FRMD4A: variants seen among roughly 807,000 people sequenced by gnomAD.
The protein encoded by FRMD4A is FERM domain-containing protein 4A.
FRMD4A carries 29 observed loss-of-function variants against 129.1 expected under a neutral mutation model. The ratio of observed to expected loss-of-function variants is 0.22; its 90% confidence interval spans 0.17 to 0.31. FRMD4A has a LOEUF of 0.31. FRMD4A is among the 10% of genes least tolerant of loss of function. The pLI is 1.00. For synonymous variants in FRMD4A, 634 were observed against 571.6 expected (o/e 1.11, Z -1.56); for missense variants, 1,272 against 1,375.8 (o/e 0.92, Z 1.19).
intron 2 of FRMD4A, among the ~76,000 whole-genome samples, chr10:14,192,765 G>A (rs564355901): frequency 6.6e-6 from 1 of 152,174 alleles, no homozygotes; most frequent in African/African-American, 2.4e-5. Context: ...CTCCCCTCTA[G>A]GTTACTGAAT....
At chr10:13,710,285 C>G (rs1459585711) in intron 12 of FRMD4A, 1 of 152,280 alleles carries the variant, frequency 6.6e-6, no homozygotes, top group African/African-American at 2.4e-5. Flanking sequence ...GAGCAGAATG[C>G]TCCGAGGGGT....
intron 2 of FRMD4A, among the ~76,000 whole-genome samples, chr10:13,910,373 C>G (rs1011829323): frequency 6.6e-6 from 1 of 152,294 alleles, no homozygotes; most frequent in South Asian, 2.1e-4. Flanking sequence ...GAGAACCCAG[C>G]TGACATCAGC....
chr10:13,818,435 G>T (rs1258791644), intron 3 of FRMD4A, among the ~76,000 whole-genome samples: 3 of 152,134 alleles, frequency 2.0e-5, no homozygotes, highest in Non-Finnish European at 4.4e-5. Context: ...TTCCCAAAGT[G>T]CTGGGATGAC....
chr10:13,695,823 C>T (rs2086174894), intron 14 of FRMD4A, among the ~76,000 whole-genome samples: 1 of 152,242 alleles, frequency 6.6e-6, no homozygotes, highest in African/African-American at 2.4e-5. Context: ...GCCCCGTGTA[C>T]AGCCTACCTT....
intron 2 of FRMD4A, among the ~76,000 whole-genome samples, chr10:13,943,377 C>T (rs542048065): frequency 1.3e-5 from 2 of 151,830 alleles, no homozygotes; most frequent in Admixed American, 6.6e-5. Context: ...CGGCCAGGTG[C>T]GGTGATTCAC....
intron 2 of FRMD4A, among the ~76,000 whole-genome samples, chr10:14,313,530 T>G (rs1846630684): frequency 6.6e-6 from 1 of 152,250 alleles, no homozygotes; most frequent in Non-Finnish European, 1.5e-5. Context: ...TAACTGAAAT[T>G]ATAATGCTTA....
chr10:14,110,249 T>C (rs977326155), intron 2 of FRMD4A, among the ~76,000 whole-genome samples: 1 of 146,234 alleles, frequency 6.8e-6, no homozygotes, highest in Non-Finnish European at 1.5e-5. Context: ...TGCTGTCCAA[T>C]ATAGAAGAAG....
chr10:13,941,604 G>A (rs892522964), intron 2 of FRMD4A, among the ~76,000 whole-genome samples: 1 of 152,190 alleles, frequency 6.6e-6, no homozygotes, highest in Non-Finnish European at 1.5e-5. Context: ...AGGAGCTTTG[G>A]TGCTACTTGG....
At chr10:14,246,128 C>G (rs907516701) in intron 2 of FRMD4A, among the ~76,000 whole-genome samples, 2 of 152,194 alleles carry the variant, frequency 1.3e-5, no homozygotes, top group African/African-American at 4.8e-5. Context: ...CCAGATTCAG[C>G]AGGAACCTGC....
chr10:13,719,936 G>A (rs2089260021), intron 12 of FRMD4A, among the ~76,000 whole-genome samples: 2 of 152,158 alleles, frequency 1.3e-5, no homozygotes, highest in African/African-American at 4.8e-5. Flanking sequence ...CAATTTTTAT[G>A]CTTTTCATTT....
intron 2 of FRMD4A, among the ~76,000 whole-genome samples, chr10:14,264,472 T>A (rs920421398): frequency 6.6e-6 from 1 of 152,206 alleles, no homozygotes; most frequent in Admixed American, 6.5e-5. Context: ...AATGACCCAT[T>A]TATTGCCAAA....
At chr10:14,169,536 G>T (rs114278558) in intron 2 of FRMD4A, among the ~76,000 whole-genome samples, 2 of 152,186 alleles carry the variant, frequency 1.3e-5, no homozygotes, top group Non-Finnish European at 2.9e-5. Context: ...GCTTCCATCC[G>T]TAAGTTCCCC....
At chr10:14,205,355 G>A (rs1046474717) in intron 2 of FRMD4A, among the ~76,000 whole-genome samples, 3 of 152,082 alleles carry the variant, frequency 2.0e-5, no homozygotes, top group Non-Finnish European at 2.9e-5. Context: ...TCGGCCATGG[G>A]AGGATTACAG....
intron 2 of FRMD4A, among the ~76,000 whole-genome samples, chr10:14,162,630 GTTTTTTTTTTGT>G (rs1469319436): frequency 1.1e-4 from 13 of 117,312 alleles, no homozygotes; most frequent in East Asian, 4.6e-4. Flanking sequence ...GAGTTTCTCT[GTTTTTTTTTTGT>G]TTTTTTTTTT....
At chr10:13,859,339 G>A (rs7070704) in intron 2 of FRMD4A, among the ~76,000 whole-genome samples, 41,992 of 151,836 alleles carry the variant, frequency 0.28, 5,941 homozygotes, top group Admixed American at 0.31. Flanking sequence ...AGCCGAGATC[G>A]CGCCACTGCA....
At chr10:14,107,023 A>G (rs1017949575) in intron 2 of FRMD4A, among the ~76,000 whole-genome samples, 1 of 152,220 alleles carries the variant, frequency 6.6e-6, no homozygotes, top group Non-Finnish European at 1.5e-5. Flanking sequence ...GCAGCCATGA[A>G]AAAGATTGAA....
At position 13,925,566 on chromosome 10, in the gene FRMD4A, C is replaced by CTTTTTTTTTTTTTT. The variant is rs66980805; in HGVS notation, c.46-66668_46-66655dup. On this transcript the variant is annotated intron_variant, in intron 2 of 24. Transcript: ENST00000357447. ...TGAAAGTTTCTATTGTAGTGAAACG[C>CTTTTTTTTTTTTTT]TTTTTTTTTTTTTTTTTTTTTTTTT... Among the ~76,000 whole-genome samples, 134 of 61,930 alleles carry CTTTTTTTTTTTTTT rather than the reference C, an allele frequency of 2.2e-3. 20 individuals are homozygous for CTTTTTTTTTTTTTT. The highest frequency in any genetic ancestry group is 6.4e-3 in the East Asian group (8 of 1,242). 40.6% of individuals were successfully genotyped at this position (61,930 alleles called of 152,430 possible).
chr10:14,156,066 A>G (rs960224175), intron 2 of FRMD4A, among the ~76,000 whole-genome samples: 1 of 152,214 alleles, frequency 6.6e-6, no homozygotes, highest in Non-Finnish European at 1.5e-5. Flanking sequence ...TCATGAGCTC[A>G]AGGAGATGTA....
At chr10:14,323,798 C>T (rs557425102) in intron 2 of FRMD4A, among the ~76,000 whole-genome samples, 92 of 152,260 alleles carry the variant, frequency 6.0e-4, no homozygotes, top group African/African-American at 1.0e-3. Context: ...AATTGGCCCG[C>T]GAAGAGCCTG....
Sources: gnomAD v4.1 joint callset for allele counts (sites outside exome capture counted in the v4.1 genomes callset) on GRCh38, gnomAD v4.1.1 for gene constraint, MANE v1.5 for transcripts, NCBI Gene and HGNC (gene_info 2026-07-23, HGNC 2026-07-21) for gene names.